ARHGEF26: variants seen among roughly 807,000 people sequenced by gnomAD.
ARHGEF26 encodes the protein Rho guanine nucleotide exchange factor (GEF) 26.
In ARHGEF26, 59 loss-of-function variants were observed where a neutral mutation model predicts 89.4. The observed-to-expected ratio is 0.66, with a 90% CI of 0.54 to 0.82. The LOEUF is 0.82. Among genes scored for constraint, ARHGEF26 ranks in the 40% least tolerant of loss-of-function variants. The probability of loss-of-function intolerance (pLI) is 0.00; values close to 1 mark genes in which losing one functional copy is unlikely to be tolerated. For synonymous variants in ARHGEF26, 500 were observed against 428.4 expected (o/e 1.17, Z -2.06); for missense variants, 1,234 against 1,085.6 (o/e 1.14, Z -1.92).
intron 9 of ARHGEF26, among the ~76,000 whole-genome samples, chr3:154,200,755 T>G (rs921081523): frequency 4.0e-5 from 6 of 151,790 alleles, no homozygotes; most frequent in African/African-American, 7.2e-5. Flanking sequence ...TTTTAGTGTC[T>G]TCTTCAATTT....
At chr3:154,131,927 TTG>T (rs1718703407) in intron 4 of ARHGEF26, among the ~76,000 whole-genome samples, 1 of 152,228 alleles carries the variant, frequency 6.6e-6, no homozygotes, top group Admixed American at 6.5e-5. Flanking sequence ...AAAATGAATG[TTG>T]TGTCTTTTGT....
chr3:154,163,904 C>T (rs943081314), intron 6 of ARHGEF26, among the ~76,000 whole-genome samples: 5 of 151,880 alleles, frequency 3.3e-5, no homozygotes, highest in African/African-American at 1.2e-4. Flanking sequence ...TATTTATTAA[C>T]TTTTGCATGT....
chr3:154,241,953 C>T (rs1445165702), intron 12 of ARHGEF26, among the ~76,000 whole-genome samples: 1 of 152,132 alleles, frequency 6.6e-6, no homozygotes, highest in African/African-American at 2.4e-5. Flanking sequence ...ACAGATGAGC[C>T]TAGGAGAAGG....
Position 154,188,756 on chromosome 3 carries a change from A to C in ARHGEF26, c.1640+919A>C, listed in dbSNP as rs115576223. On this transcript the variant is annotated intron_variant, in intron 7 of 14. Transcript: ENST00000465093. ...GACTAACTTATGGCTGCTTGGAGAA[A>C]TAGTCAAAGCCTCTAAGCTGATGAG... is the stretch of plus-strand genomic sequence containing the variant. Among the ~76,000 whole-genome samples, 1,274 of 152,306 alleles carry C rather than the reference A, an allele frequency of 8.4e-3. 18 individuals carry two copies. Among genetic ancestry groups the C allele is most frequent in the African/African-American group, 0.029 (1,220 of 41,562 alleles).
chr3:154,232,036 G>T (rs373525890), intron 11 of ARHGEF26, among the ~76,000 whole-genome samples: 5 of 152,060 alleles, frequency 3.3e-5, no homozygotes, highest in African/African-American at 1.2e-4. Context: ...GGAGTGTGGG[G>T]TTGCTGTATA....
In ARHGEF26 at chr3:154,208,763, A is replaced by ATTTTT. The variant is rs35181733; in HGVS notation, c.1846-9090_1846-9086dup. Among the ~76,000 whole-genome samples the ATTTTT allele has an allele frequency of 2.8e-5, 3 of 107,370 alleles. 1 individual carries two copies. 70.4% of individuals were successfully genotyped at this position (107,370 alleles called of 152,430 possible). A position where few individuals can be genotyped will look rare whatever the true frequency, so the allele number is the denominator to read the frequency against. On this transcript the variant is annotated intron_variant, in intron 9 of 14. Transcript: ENST00000465093. The stretch of plus-strand genomic sequence containing the variant: ...GTGCAGTATTCAGTATGCCAATTGC[A>ATTTTT]TTTTTTTTTTTTTTTTTTTTGAGAT...
At chr3:154,217,059 A>C (rs1246051861) in intron 9 of ARHGEF26, among the ~76,000 whole-genome samples, 4 of 151,028 alleles carry the variant, frequency 2.6e-5, no homozygotes, top group Non-Finnish European at 4.4e-5. Context: ...CAGTAATGGG[A>C]TGGCTGGGTC....
intron 9 of ARHGEF26, 131 bp from the exon 10 acceptor site, chr3:154,217,738 C>A: frequency 1.4e-6 from 1 of 694,358 alleles, no homozygotes; most frequent in Non-Finnish European, 2.5e-6. Flanking sequence ...CTGTGAAAAA[C>A]TGTGAGTTCT....
chr3:154,155,265 G>C (rs1383569327), intron 6 of ARHGEF26, among the ~76,000 whole-genome samples: 1 of 151,888 alleles, frequency 6.6e-6, no homozygotes, highest in East Asian at 1.9e-4. Context: ...TATGATGTTG[G>C]AACAATTTAA....
In ARHGEF26 at chr3:154,257,189, C is replaced by G; in HGVS notation, c.*1716C>G. 1 of 448,030 alleles carries G rather than the reference C, an allele frequency of 2.2e-6. No individual in the cohort carries two copies. The highest frequency in any genetic ancestry group is 3.9e-6 in the Non-Finnish European group (1 of 258,618). 27.8% of individuals were successfully genotyped at this position (448,030 alleles called of 1,614,324 possible). A position where few individuals can be genotyped will look rare whatever the true frequency, so the allele number is the denominator to read the frequency against. On this transcript the variant is annotated 3_prime_UTR_variant, in exon 15 of 15. Coordinates refer to ENST00000465093, the MANE Select transcript of ARHGEF26 (RefSeq NM_015595.4). ...AGTGTGGGGCACTGGGGACTTCTAACCCTTGGATTGCTCTTTTTGACCTGT... is the reference window on the plus strand; with the variant it reads ...AGTGTGGGGCACTGGGGACTTCTAAGCCTTGGATTGCTCTTTTTGACCTGT...
rs1718468174 is a variant in ARHGEF26, at chr3:154,255,891, T to TAAAG, written c.*421_*424dup. 1.0e-6 allele frequency: 1 copy of TAAAG among 991,764 alleles called. No homozygotes were observed. The highest frequency in any genetic ancestry group is 1.2e-6 in the Non-Finnish European group (1 of 834,186). The allele number at this position is 991,764 out of a possible 1,614,324, so 61.4% of individuals were successfully genotyped here. A position where few individuals can be genotyped will look rare whatever the true frequency, so the allele number is the denominator to read the frequency against. On this transcript the variant is annotated 3_prime_UTR_variant, in exon 15 of 15. Coordinates refer to ENST00000465093, the MANE Select transcript of ARHGEF26 (RefSeq NM_015595.4). The stretch of plus-strand genomic sequence containing the variant: ...CAGTATTAGCAAGATTGTATATCTG[T>TAAAG]AAAGAATGTCCAGTTTTGTAAATAT...
intron 11 of ARHGEF26, among the ~76,000 whole-genome samples, chr3:154,236,327 T>TTTA (rs1460737825): frequency 6.6e-6 from 1 of 152,228 alleles, no homozygotes; most frequent in Non-Finnish European, 1.5e-5. Flanking sequence ...AGCAACAGAC[T>TTTA]TATATAGATT....
intron 6 of ARHGEF26, among the ~76,000 whole-genome samples, chr3:154,163,760 A>G (rs1349798698): frequency 6.6e-6 from 1 of 152,200 alleles, no homozygotes; most frequent in Non-Finnish European, 1.5e-5. Context: ...TTGTTCCCGA[A>G]GTGAAGAATA....
At chr3:154,185,981 C>G (rs2108172899) in intron 6 of ARHGEF26, among the ~76,000 whole-genome samples, 1 of 152,312 alleles carries the variant, frequency 6.6e-6, no homozygotes, top group East Asian at 1.9e-4. Context: ...TAATTGGCTG[C>G]ATGCCTCCCA....
rs542280762 is a variant in ARHGEF26, at chr3:154,186,969, G to A, written c.1488-716G>A. On this transcript the variant is annotated intron_variant, in intron 6 of 14. Transcript: ENST00000465093. ...TCCAGTGGCGTGATCTCGGCTCACT[G>A]CAACCTCCGCCTCCTGGGTTCAAGC... is the stretch of plus-strand genomic sequence containing the variant. Among the ~76,000 whole-genome samples, 7 of 122,112 alleles carry A rather than the reference G, an allele frequency of 5.7e-5. 1 individual carries two copies. Among genetic ancestry groups the A allele is most frequent in the African/African-American group, 2.2e-4 (7 of 32,272 alleles). The allele number at this position is 122,112 out of a possible 152,430, so 80.1% of individuals were successfully genotyped here.
chr3:154,222,823 C>T (rs1344745718), intron 10 of ARHGEF26, among the ~76,000 whole-genome samples: 1 of 151,996 alleles, frequency 6.6e-6, no homozygotes, highest in African/African-American at 2.4e-5. Context: ...GAAAGGGAGC[C>T]AGGAGGGAGA....
intron 6 of ARHGEF26, among the ~76,000 whole-genome samples, chr3:154,182,719 C>T (rs1713263936): frequency 2.6e-5 from 4 of 152,308 alleles, no homozygotes; most frequent in South Asian, 2.1e-4. Context: ...ATCAGCTCAC[C>T]GCTGAGAGCT....
chr3:154,226,056 G>C, intron 11 of ARHGEF26, 46 bp downstream of exon 11: 2 of 1,556,558 alleles, frequency 1.3e-6, no homozygotes, highest in Non-Finnish European at 8.7e-7. Flanking sequence ...CAGTTTTAAA[G>C]TTCTGTAATT....
At chr3:154,238,126 T>A (rs1407767666) in intron 11 of ARHGEF26, among the ~76,000 whole-genome samples, 1 of 152,206 alleles carries the variant, frequency 6.6e-6, no homozygotes, top group East Asian at 1.9e-4. Context: ...ATTGACTGCT[T>A]TGTTTCTAGT....
Sources: gnomAD v4.1 joint callset for allele counts (sites outside exome capture counted in the v4.1 genomes callset) on GRCh38, gnomAD v4.1.1 for gene constraint, MANE v1.5 for transcripts, NCBI Gene and HGNC (gene_info 2026-07-23, HGNC 2026-07-21) for gene names.